COL6A3: variants seen among roughly 807,000 people sequenced by gnomAD.
The protein encoded by COL6A3 is collagen alpha-3(VI) chain.
COL6A3 carries 137 observed loss-of-function variants against 274.1 expected under a neutral mutation model. That is an observed-to-expected ratio of 0.50 (90% CI 0.44 to 0.58). The LOEUF (loss-of-function observed/expected upper bound fraction) is 0.58. Ranked by LOEUF, COL6A3 falls within the 20% of genes least tolerant of loss-of-function variation. The probability of loss-of-function intolerance (pLI) is 0.00; values close to 1 mark genes in which losing one functional copy is unlikely to be tolerated. For missense variants in COL6A3, 3,950 were observed against 4,124.9 expected, an observed-to-expected ratio of 0.96 and a Z score of 1.16; for synonymous variants, 1,650 against 1,650.6, an observed-to-expected ratio of 1.00 and a Z score of 0.01.
rs372744024 is a variant in COL6A3 at position 237,396,716 on chromosome 2, C to G, written c.91+11G>C. Reference sequence around the variant, plus strand: ...CCTTTTTACAAAATCAAGGACGTTTCTGGCTCTTACCTGCTTGCTGCTGCT... The same window carrying G: ...CCTTTTTACAAAATCAAGGACGTTTGTGGCTCTTACCTGCTTGCTGCTGCT... On this transcript the variant is annotated intron_variant, in intron 2 of 43. Coordinates refer to ENST00000295550, the MANE Select transcript of COL6A3 (RefSeq NM_004369.4). 1.5e-4 allele frequency: 247 copies of G among 1,613,904 alleles called. No individual in the cohort carries two copies. In the African/African-American group the frequency reaches 2.1e-3, roughly 14 times the overall value.
At chr2:237,356,605 C>G (rs1404546223) in intron 23 of COL6A3, among the ~76,000 whole-genome samples, 2 of 152,186 alleles carry the variant, frequency 1.3e-5, no homozygotes, top group African/African-American at 2.4e-5. Flanking sequence ...AGCTTGCAGC[C>G]TTTGTGCTCT....
chr2:237,397,900 A>ATG lies in COL6A3; in HGVS notation c.-30-1055_-30-1054dup, dbSNP rs536930962. On this transcript the variant is annotated intron_variant, in intron 1 of 43. Transcript: ENST00000295550. Reference sequence around the variant, plus strand: ...TAAACCTTCTTTTCCTCCCTAAGTGATGTACGCAGCAATTTGGAAATAGCA... The same window carrying ATG: ...TAAACCTTCTTTTCCTCCCTAAGTGATGTGTACGCAGCAATTTGGAAATAGCA... 5.1e-4 allele frequency among the ~76,000 whole-genome samples: 78 copies of ATG among 152,350 alleles called. No homozygotes were observed. In the East Asian group the frequency reaches 0.014, roughly 28 times the overall value.
intron 9 of COL6A3, among the ~76,000 whole-genome samples, chr2:237,369,559 T>A (rs991379709): frequency 3.3e-5 from 5 of 152,182 alleles, no homozygotes. Flanking sequence ...GGGATCTATA[T>A]CTTTGTTGTA....
rs188020704 is a variant in COL6A3, at chr2:237,342,195, C to T, written c.7669-34G>A. On this transcript the variant is annotated intron_variant, in intron 36 of 43. Transcript: ENST00000295550. ...AACAAAAGAACAATTTTGGTAGGGG[C>T]GTACATGATCAGTAATATCTGAAAA... 8.9e-5 allele frequency: 136 copies of T among 1,534,024 alleles called. No homozygotes were observed. The Middle Eastern group carries it at 1.5e-3, about 17-fold the overall frequency.
At chr2:237,401,651 C>T (rs1345583600) in intron 1 of COL6A3, among the ~76,000 whole-genome samples, 3 of 151,950 alleles carry the variant, frequency 2.0e-5, no homozygotes, top group Non-Finnish European at 1.5e-5. Flanking sequence ...CTACAGTTCT[C>T]CTAGGACTTT....
intron 39 of COL6A3, among the ~76,000 whole-genome samples, chr2:237,337,172 A>T (rs954176161): frequency 4.6e-5 from 7 of 152,180 alleles, no homozygotes; most frequent in Non-Finnish European, 1.0e-4. Context: ...AGAAGAAAAT[A>T]TATTATTTTA....
At position 237,372,285 on chromosome 2, in the gene COL6A3, G is replaced by A. The variant is rs193265138; in HGVS notation, c.3732C>T (p.Ala1244=). 63 of 1,612,460 alleles carry A rather than the reference G, an allele frequency of 3.9e-5. 1 individual carries two copies. The highest frequency in any genetic ancestry group is 1.3e-4 in the East Asian group (6 of 44,858). ...TGCGAACGTACTGGAACTCAGGCCC[G>A]GCACTTTGGGACCCATCGATGAGAA... ...VVFLIDGSQS[A]GPEFQYVRTL... is the part of the protein sequence containing the mutation. The change falls in exon 9 of 44, where the codon GCC becomes GCT. Residue 1244 remains alanine (A), a synonymous_variant. Transcript: ENST00000295550.
chr2:237,330,801 A>T (rs1209203883), intron 42 of COL6A3, among the ~76,000 whole-genome samples: 2 of 152,222 alleles, frequency 1.3e-5, no homozygotes, highest in East Asian at 3.8e-4. Flanking sequence ...ATGCAAACGA[A>T]AACCAATGGT....
chr2:237,351,229 C>G lies in COL6A3; in HGVS notation c.6754-37G>C, dbSNP rs113304682. 797 of 1,604,332 alleles carry G rather than the reference C, an allele frequency of 5.0e-4. 7 individuals carry two copies. The African/African-American group carries it at 9.6e-3, about 19-fold the overall frequency. ...GGGGAGGAATGTGTCAGTGAAGTGG[C>G]CAACCGTCCAGGCAAATTGGTCTCT... On this transcript the variant is annotated intron_variant, in intron 26 of 43. Transcript: ENST00000295550.
chr2:237,349,624 T>C (rs766838129), intron 28 of COL6A3, among the ~76,000 whole-genome samples: 17 of 152,218 alleles, frequency 1.1e-4, no homozygotes, highest in Non-Finnish European at 1.8e-4. Flanking sequence ...TTTTGTAACG[T>C]AGAAATGTAC....
At chr2:237,351,760 CAAGTT>C (rs1355274867) in intron 26 of COL6A3, among the ~76,000 whole-genome samples, 2 of 152,176 alleles carry the variant, frequency 1.3e-5, no homozygotes, top group African/African-American at 4.8e-5. Flanking sequence ...TGATTAATTA[CAAGTT>C]AAGTAAATGT....
rs917362991 is a variant in COL6A3, at chr2:237,394,607, T to TC, written c.688dup (p.Glu230GlyfsTer4). 3 of 1,614,050 alleles carry TC rather than the reference T, an allele frequency of 1.9e-6. No homozygotes were observed. In the African/African-American group the frequency reaches 4.0e-5, roughly 22 times the overall value. ...ATTACCTGTGATGTCTTTAAGGGTT[T>TC]CCGTGTCCCCAGCCCTTTCTGGACT... On this transcript the variant is annotated frameshift_variant, in exon 3 of 44. Transcript: ENST00000295550. LOFTEE classifies it high-confidence loss of function.
chr2:237,332,999 C>T (rs72984168), intron 42 of COL6A3: 19,450 of 267,726 alleles, frequency 0.073, 944 homozygotes, highest in Non-Finnish European at 0.098. Flanking sequence ...TTAGGATGTC[C>T]GGACCAGAAC....
chr2:237,381,559 A>T (rs2078007483), intron 4 of COL6A3, 60 bp from the exon 5 acceptor site: 41 of 1,361,848 alleles, frequency 3.0e-5, no homozygotes, highest in Non-Finnish European at 3.9e-5. Flanking sequence ...ATCAACAATG[A>T]CTTTCAACAA....
In COL6A3 at chr2:237,388,202, G is replaced by T; in HGVS notation, c.710-18C>A. ...GTCTTGTGCTTTAAAAGAAAGAAAT[G>T]CAAAAAATGTGAAAGCATTAGAACA... On this transcript the variant is annotated intron_variant, in intron 3 of 43. Transcript: ENST00000295550. The T allele has an allele frequency of 6.2e-7, 1 of 1,613,442 alleles. No individual in the cohort carries two copies. Among genetic ancestry groups the T allele is most frequent in the Non-Finnish European group, 8.5e-7 (1 of 1,179,922 alleles).
At position 237,333,857 on chromosome 2, in the gene COL6A3, C is replaced by T. The variant is rs926615727; in HGVS notation, c.9230-309G>A. Among the ~76,000 whole-genome samples, 11 of 152,188 alleles carry T rather than the reference C, an allele frequency of 7.2e-5. 1 individual carries two copies. Among genetic ancestry groups the T allele is most frequent in the Admixed American group, 7.2e-4 (11 of 15,286 alleles). On this transcript the variant is annotated intron_variant, in intron 41 of 43. Coordinates refer to ENST00000295550, the MANE Select transcript of COL6A3 (RefSeq NM_004369.4). ...CTAGGGTTGACTGGGTCTTTGGACT[C>T]ATATCTCTATGGGCCTAATCCATGG...
chr2:237,357,735 C>A, intron 22 of COL6A3, 82 bp downstream of exon 22: 1 of 1,416,296 alleles, frequency 7.1e-7, no homozygotes, highest in Non-Finnish European at 1.0e-6. Context: ...TCTTTGGCCT[C>A]TGTGGCTGCT....
At chr2:237,345,316 T>G (rs2077076224) in intron 32 of COL6A3, 103 bp from the exon 33 acceptor site, 1 of 1,066,754 alleles carries the variant, frequency 9.4e-7, no homozygotes, top group Non-Finnish European at 1.5e-6. Flanking sequence ...AAGGGGCCCC[T>G]GGATAACCTT....
intron 42 of COL6A3, among the ~76,000 whole-genome samples, chr2:237,331,107 CAT>C (rs1446388124): frequency 6.6e-6 from 1 of 152,086 alleles, no homozygotes; most frequent in Non-Finnish European, 1.5e-5. Context: ...AAAATGGACA[CAT>C]GTAAATATAA....
Sources: allele counts gnomAD v4.1 joint callset (sites outside exome capture counted in the v4.1 genomes callset), GRCh38; gene constraint gnomAD v4.1.1; transcripts MANE v1.5; gene names NCBI Gene and HGNC (gene_info 2026-07-23, HGNC 2026-07-21).